TFE3: variants seen among roughly 807,000 people sequenced by gnomAD.
TFE3 encodes the protein transcription factor binding to IGHM enhancer 3.
A neutral mutation model predicts 35.0 loss-of-function variants in TFE3; 5 were observed. The ratio of observed to expected loss-of-function variants is 0.14; its 90% CI spans 0.07 to 0.30. The LOEUF (loss-of-function observed/expected upper bound fraction) is 0.30, where lower values mean the gene tolerates loss of function less well. TFE3 is among the 10% of genes least tolerant of loss of function. The pLI, the probability that TFE3 is intolerant of heterozygous loss-of-function variation, is 1.00. For missense variants in TFE3, 374 were observed against 496.6 expected (o/e 0.75, Z 2.35); for synonymous variants, 211 against 215.6 (o/e 0.98, Z 0.18).
In TFE3 at chrX:49,028,953, T is replaced by C; in HGVS notation, c.*1205A>G. 1 of 172,672 alleles carries C rather than the reference T, an allele frequency of 5.8e-6. No individual in the cohort carries two copies. Among genetic ancestry groups the C allele is most frequent in the Non-Finnish European group, 1.1e-5 (1 of 89,985 alleles). The allele number at this position is 172,672 out of a possible 1,213,427, so 14.2% of individuals were successfully genotyped here. ...ACTGGGTGGGGAACAGAGGTTGGGG[T>C]GGCCTAGATTCTCAGTATGCGGAGC... On this transcript the variant is annotated 3_prime_UTR_variant, in exon 10 of 10. Transcript: ENST00000315869.
chrX:49,034,039 T>G (rs1477565694), intron 6 of TFE3, 95 bp downstream of exon 6: 1 of 783,142 alleles, frequency 1.3e-6, no homozygotes, highest in South Asian at 2.2e-5. Flanking sequence ...GTCCAAACCA[T>G]TCCCCTCAGA....
rs782384434 is a variant in TFE3 at position 49,030,468 on chromosome X, C to T, written c.1418G>A (p.Gly473Asp). The T allele has an allele frequency of 1.3e-5, 16 of 1,211,534 alleles. No individual in the cohort carries two copies. The South Asian group carries it at 2.6e-4, about 20-fold the overall frequency. ...QLDIEEEGRPGAATFHVGGGP... is the reference protein window; with the variant it reads ...QLDIEEEGRPDAATFHVGGGP... ...CCCCCCTACATGGAACGTTGCTGCGCCTGGCCTGCCCTCCTCCTCAATGTC... is the reference window on the plus strand; with the variant it reads ...CCCCCCTACATGGAACGTTGCTGCGTCTGGCCTGCCCTCCTCCTCAATGTC... Residue 473 changes from glycine (G) to aspartate (D), a missense_variant, in exon 10 of 10, where the codon GGC (glycine) becomes GAC (aspartate). Transcript: ENST00000315869.
At chrX:49,033,371 G>A (rs782737875) in intron 8 of TFE3, 94 bp downstream of exon 8, 45 of 825,785 alleles carry the variant, frequency 5.4e-5, no homozygotes, top group African/African-American at 3.2e-4. Context: ...TGCCTGGGCC[G>A]AGACTGCCTG....
chrX:49,039,151 A>C lies in TFE3; in HGVS notation c.490T>G (p.Leu164Val). 1 of 1,193,146 alleles carries C rather than the reference A, an allele frequency of 8.4e-7. No individual in the cohort carries two copies. The highest frequency in any genetic ancestry group is 2.4e-4 in the Middle Eastern group (1 of 4,246). The change falls in exon 3 of 10, where the codon TTG (leucine) becomes GTG (valine). Residue 164 changes from leucine (L) to valine (V), a missense_variant. Leu to Val is a conservative substitution (Grantham distance 32, BLOSUM62 1). Around this residue, in one of 3 missense-constraint regions of TFE3, gnomAD observed 167 missense variants for 297.2 expected, o/e 0.56. Transcript: ENST00000315869. Reference sequence around the variant, plus strand: ...ACCTGAGCAGGGGGTGGACGGCTCAATGTGTGGCCCCCAGCAGAGACGCCA... The same window carrying C: ...ACCTGAGCAGGGGGTGGACGGCTCACTGTGTGGCCCCCAGCAGAGACGCCA... ...VVGVSAGGHTLSRPPPAQVPR... is the reference protein window; with the variant it reads ...VVGVSAGGHTVSRPPPAQVPR...
At position 49,038,438 on chromosome X, in the gene TFE3, T is replaced by C; in HGVS notation, c.539A>G (p.Gln180Arg). ...GCGCGTTGGGTTCTCCAGATGGGTC[T>C]GCACCTGTGAAATAAGGTAGACAAG... ...AQVPREVLKV[Q>R]THLENPTRYH... The change falls in exon 4 of 10, where the codon CAG becomes CGG. Residue 180 changes from glutamine to arginine, a missense_variant. Transcript: ENST00000315869. The C allele has an allele frequency of 8.3e-7, 1 of 1,198,907 alleles. No individual in the cohort carries two copies. Among genetic ancestry groups the C allele is most frequent in the South Asian group, 1.8e-5 (1 of 56,149 alleles).
At chrX:49,040,227 A>G (rs1476939884) in intron 2 of TFE3, among the ~76,000 whole-genome samples, 1 of 111,037 alleles carries the variant, frequency 9.0e-6, no homozygotes, top group Non-Finnish European at 1.9e-5. Context: ...ATGGGTGTGC[A>G]GGTGGGCTGG....
In TFE3 at chrX:49,034,101, G is replaced by T. The variant is rs1557074255; in HGVS notation, c.1003+33C>A. On this transcript the variant is annotated intron_variant, in intron 6 of 9. Transcript: ENST00000315869. ...GCACAGGGCTCACCTGGGGTAAAGT[G>T]TAGGGCCATGGGGCCAAGACCCTAT... 6.2e-6 allele frequency: 7 copies of T among 1,129,997 alleles called. 1 individual carries two copies. The South Asian group carries it at 1.3e-4, about 21-fold the overall frequency. The allele number at this position is 1,129,997 out of a possible 1,213,427, so 93.1% of individuals were successfully genotyped here. A position where few individuals can be genotyped will look rare whatever the true frequency, so the allele number is the denominator to read the frequency against.
chrX:49,030,294 C>CCCT lies in TFE3; in HGVS notation c.1589_1591dup (p.Glu530dup). The stretch of plus-strand genomic sequence containing the variant: ...ACCCCCCGACAGTCCTCCCACCACC[C>CCCT]CCTCCTCCTCCTCCATCAGAATGTC... On this transcript the variant is annotated inframe_insertion, in exon 10 of 10. Transcript: ENST00000315869. The CCCT allele has an allele frequency of 8.3e-7, 1 of 1,205,119 alleles. No individual in the cohort carries two copies. The highest frequency in any genetic ancestry group is 1.1e-6 in the Non-Finnish European group (1 of 891,297).
chrX:49,039,711 CA>C, intron 2 of TFE3: 1 of 242,254 alleles, frequency 4.1e-6, no homozygotes, highest in Non-Finnish European at 7.3e-6. Flanking sequence ...TTCAGCTCTG[CA>C]AGGGGGGGTT....
At chrX:49,039,006 C>G (rs148539112) in intron 3 of TFE3, 101 bp downstream of exon 3, 11,698 of 886,310 alleles carry the variant, frequency 0.013, 72 homozygotes, top group Non-Finnish European at 0.016. Flanking sequence ...CCCCTAAGAC[C>G]TTGCCCCCAA....
chrX:49,037,032 G>T (rs1294689293), intron 5 of TFE3, among the ~76,000 whole-genome samples: 1 of 111,947 alleles, frequency 8.9e-6, no homozygotes, highest in Non-Finnish European at 1.9e-5. Context: ...GGCCAGGCGT[G>T]GTGGCTCACA....
chrX:49,038,547 G>C (rs1449692126), intron 3 of TFE3, 105 bp from the exon 4 acceptor site: 2 of 992,355 alleles, frequency 2.0e-6, no homozygotes, highest in African/African-American at 3.9e-5. Flanking sequence ...TTGGTGCCTA[G>C]ACTCACGCAG....
intron 5 of TFE3, among the ~76,000 whole-genome samples, chrX:49,035,028 G>C (rs1557074420): frequency 9.1e-6 from 1 of 109,950 alleles, no homozygotes; most frequent in Non-Finnish European, 1.9e-5. Flanking sequence ...AGTATACCCA[G>C]GGCCAGGTGC....
chrX:49,036,906 A>G (rs2064733649), intron 5 of TFE3, among the ~76,000 whole-genome samples: 1 of 112,719 alleles, frequency 8.9e-6, no homozygotes, highest in African/African-American at 3.2e-5. Context: ...AGTTTTATCT[A>G]CTGACTAGAA....
At chrX:49,039,763 T>C (rs1400687549) in intron 2 of TFE3, 1 of 156,074 alleles carries the variant, frequency 6.4e-6, no homozygotes, top group Non-Finnish European at 1.2e-5. Flanking sequence ...GAATTGAGGC[T>C]TTGGCAGCAG....
chrX:49,028,956 C>CCTA lies in TFE3; in HGVS notation c.*1199_*1201dup, dbSNP rs2064682715. The CCTA allele has an allele frequency of 5.9e-6, 1 of 170,839 alleles. No individual in the cohort carries two copies. The highest frequency in any genetic ancestry group is 1.1e-5 in the Non-Finnish European group (1 of 89,723). 14.1% of individuals were successfully genotyped at this position (170,839 alleles called of 1,213,427 possible). On this transcript the variant is annotated 3_prime_UTR_variant, in exon 10 of 10. Transcript: ENST00000315869. The stretch of plus-strand genomic sequence containing the variant: ...GGGTGGGGAACAGAGGTTGGGGTGG[C>CCTA]CTAGATTCTCAGTATGCGGAGCAAT...
At chrX:49,034,512 C>T (rs188488197) in intron 5 of TFE3, among the ~76,000 whole-genome samples, 52 of 111,866 alleles carry the variant, frequency 4.6e-4, no homozygotes, top group Non-Finnish European at 8.1e-4. Context: ...ATCACTTCCT[C>T]CAGTCCCTCA....
rs910014805 is a variant in TFE3 at position 49,029,393 on chromosome X, C to T, written c.*765G>A. 19 of 201,923 alleles carry T rather than the reference C, an allele frequency of 9.4e-5. No individual in the cohort carries two copies. The highest frequency in any genetic ancestry group is 1.7e-4 in the Non-Finnish European group (18 of 105,060). The allele number at this position is 201,923 out of a possible 1,213,427, so 16.6% of individuals were successfully genotyped here. On this transcript the variant is annotated 3_prime_UTR_variant, in exon 10 of 10. Transcript: ENST00000315869. ...AGGCAGGGGAGCTTAAGTACCACTC[C>T]TCCCTGCAGTGTGGAATGCTTAGAT...
At position 49,029,708 on chromosome X, in the gene TFE3, G is replaced by A. The variant is rs782713331; in HGVS notation, c.*450C>T. On this transcript the variant is annotated 3_prime_UTR_variant, in exon 10 of 10. Coordinates refer to ENST00000315869, the MANE Select transcript of TFE3 (RefSeq NM_006521.6). Reference sequence around the variant, plus strand: ...ACCTCCATTACTTGACTCCTCTTCTGTGCCAGGACGGACTAGACTGGTGGT... The same window carrying A: ...ACCTCCATTACTTGACTCCTCTTCTATGCCAGGACGGACTAGACTGGTGGT... 2.1e-5 allele frequency: 9 copies of A among 437,648 alleles called. No homozygotes were observed. The highest frequency in any genetic ancestry group is 3.5e-5 in the Non-Finnish European group (8 of 231,858). 36.1% of individuals were successfully genotyped at this position (437,648 alleles called of 1,213,427 possible). A position where few individuals can be genotyped will look rare whatever the true frequency, so the allele number is the denominator to read the frequency against.
Sources: gnomAD v4.1 joint callset for allele counts (sites outside exome capture counted in the v4.1 genomes callset) on GRCh38, gnomAD v4.1.1 for gene constraint, gnomAD v4.1.1 regional missense constraint, MANE v1.5 for transcripts, NCBI Gene and HGNC (gene_info 2026-07-23, HGNC 2026-07-21) for gene names.